Variants in SLTM observed in about 807,000 individuals in gnomAD.
SLTM encodes the protein SAFB like transcription modulator, also known as SAFB-like transcription modulator.
SLTM carries 43 observed loss-of-function variants against 134.6 expected under a neutral mutation model. The observed-to-expected ratio is 0.32, with a 90% confidence interval of 0.25 to 0.41. The LOEUF is 0.41. Among genes scored for constraint, SLTM ranks in the 10% least tolerant of loss-of-function variants. The pLI, the probability that SLTM is intolerant of heterozygous loss-of-function variation, is 1.00. For synonymous variants in SLTM, 424 were observed against 432.3 expected, an observed-to-expected ratio of 0.98 and a Z score of 0.24; for missense variants, 1,055 against 1,288.8, an observed-to-expected ratio of 0.82 and a Z score of 2.78.
At chr15:58,931,427 T>C (rs2037871510) in intron 2 of SLTM, among the ~76,000 whole-genome samples, 1 of 152,216 alleles carries the variant, frequency 6.6e-6, no homozygotes, top group African/African-American at 2.4e-5. Context: ...CATTTTATTT[T>C]AGTTGCAATC....
In SLTM at chr15:58,933,675, A is replaced by T. The variant is rs1307346351; in HGVS notation, c.-110T>A. On this transcript the variant is annotated 5_prime_UTR_variant, in exon 1 of 21. Coordinates refer to ENST00000380516, the MANE Select transcript of SLTM (RefSeq NM_024755.4). The stretch of plus-strand genomic sequence containing the variant: ...CCGCCGGCGCCGCGCAGCGCTGCGC[A>T]CAATGAGCCGCTGGCCCCTCCCCCG... 7.6e-7 allele frequency: 1 copy of T among 1,317,810 alleles called. No homozygotes were observed. The highest frequency in any genetic ancestry group is 3.2e-5 in the East Asian group (1 of 31,394). The allele number at this position is 1,317,810 out of a possible 1,614,324, so 81.6% of individuals were successfully genotyped here.
chr15:58,930,216 T>C (rs2037769990), intron 2 of SLTM, among the ~76,000 whole-genome samples: 1 of 151,714 alleles, frequency 6.6e-6, no homozygotes, highest in African/African-American at 2.4e-5. Flanking sequence ...GCGATTCTCC[T>C]GTCTCAGCCT....
At position 58,914,643 on chromosome 15, in the gene SLTM, A is replaced by G. The variant is rs182523648; in HGVS notation, c.316-947T>C. On this transcript the variant is annotated intron_variant, in intron 3 of 20. Transcript: ENST00000380516. ...TGGCAGAAGAATAGGTGCAAGAAAG[A>G]TCAAGGGAAGTTACCAAGGAAACTT... Among the ~76,000 whole-genome samples the G allele has an allele frequency of 8.5e-5, 13 of 152,328 alleles. No individual in the cohort carries two copies. In the East Asian group the frequency reaches 2.3e-3, roughly 27 times the overall value.
intron 2 of SLTM, among the ~76,000 whole-genome samples, chr15:58,930,098 A>C (rs1264548104): frequency 2.0e-5 from 3 of 151,860 alleles, no homozygotes; most frequent in Non-Finnish European, 2.9e-5. Flanking sequence ...GGCCTGCTAC[A>C]AACAAATGAT....
In SLTM at chr15:58,933,469, C is replaced by G. The variant is rs753923665; in HGVS notation, c.97G>C (p.Glu33Gln). The G allele has an allele frequency of 6.3e-7, 1 of 1,598,090 alleles. No homozygotes were observed. The change falls in exon 1 of 21, where the codon GAG becomes CAG. Residue 33 changes from glutamate to glutamine, a missense_variant. By Grantham distance (29) the Glu-to-Gln change is conservative. Around this residue, in one of 3 missense-constraint regions of SLTM, gnomAD observed 268 missense variants for 284.3 expected, o/e 0.94. Coordinates refer to ENST00000380516, the MANE Select transcript of SLTM (RefSeq NM_024755.4). ...TDLRVIDLKSELKRRNLDITG... is the reference protein window; with the variant it reads ...TDLRVIDLKSQLKRRNLDITG... ...ATGTCTAAGTTCCGCCGCTTCAGCT[C>G]GGACTTCAGATCGATGACCCGCAGA... is the stretch of plus-strand genomic sequence containing the variant.
intron 2 of SLTM, among the ~76,000 whole-genome samples, chr15:58,920,903 C>T (rs546232337): frequency 1.3e-5 from 2 of 151,942 alleles, no homozygotes; most frequent in African/African-American, 2.4e-5. Context: ...TGCAGTGAGC[C>T]GAGATTGCAC....
Position 58,883,770 on chromosome 15 carries a change from C to T in SLTM, c.2852G>A (p.Arg951Gln), listed in dbSNP as rs142959204. The T allele has an allele frequency of 5.0e-6, 8 of 1,613,854 alleles. No homozygotes were observed. Among genetic ancestry groups the T allele is most frequent in the East Asian group, 2.2e-5 (1 of 44,890 alleles). ...GGGSQHYPEE[R>Q]HVVERHGRDT... ...CCGTCCATGGCGTTCAACCACATGT[C>T]GCTCCTCAGGATAGTGCTAAAAGAA... The change falls in exon 20 of 21, where the codon CGA (arginine) becomes CAA (glutamine). Residue 951 changes from arginine to glutamine, a missense_variant. By Grantham distance (43) the Arg-to-Gln change is conservative. Around this residue, in one of 3 missense-constraint regions of SLTM, gnomAD observed 776 missense variants for 962.2 expected, o/e 0.81. Transcript: ENST00000380516.
At chr15:58,901,854 T>G (rs2141040337) in intron 5 of SLTM, among the ~76,000 whole-genome samples, 1 of 151,712 alleles carries the variant, frequency 6.6e-6, no homozygotes. Flanking sequence ...TATCAACCAC[T>G]GCACTCCAGC....
At chr15:58,911,188 TCTC>T (rs1476183389) in intron 5 of SLTM, among the ~76,000 whole-genome samples, 1 of 152,046 alleles carries the variant, frequency 6.6e-6, no homozygotes, top group Non-Finnish European at 1.5e-5. Flanking sequence ...AAATACAACT[TCTC>T]CTCCACTGTG....
intron 2 of SLTM, among the ~76,000 whole-genome samples, chr15:58,925,049 T>C (rs1254793776): frequency 2.1e-5 from 3 of 143,532 alleles, no homozygotes; most frequent in Admixed American, 7.2e-5. Context: ...CCCTTAAACA[T>C]TCACAAGAGC....
chr15:58,880,565 T>C (rs145779931), intron 20 of SLTM, among the ~76,000 whole-genome samples: 6 of 152,138 alleles, frequency 3.9e-5, no homozygotes, highest in Non-Finnish European at 7.4e-5. Flanking sequence ...CTTTTAAATA[T>C]ATATATTTTT....
chr15:58,921,210 CA>C (rs1281718076), intron 2 of SLTM, among the ~76,000 whole-genome samples: 1 of 152,186 alleles, frequency 6.6e-6, no homozygotes, highest in Admixed American at 6.5e-5. Flanking sequence ...TTTATCCTCA[CA>C]ACTCCTCTGA....
intron 16 of SLTM, 62 bp from the exon 17 acceptor site, chr15:58,888,617 C>G (rs766756176): frequency 1.3e-6 from 2 of 1,540,526 alleles, no homozygotes; most frequent in Non-Finnish European, 8.9e-7. Context: ...ACGACATTTA[C>G]TTGGAGTCAT....
At chr15:58,902,439 T>C (rs1481060726) in intron 5 of SLTM, among the ~76,000 whole-genome samples, 10 of 151,102 alleles carry the variant, frequency 6.6e-5, no homozygotes, top group African/African-American at 2.4e-4. Context: ...CAGGCTAGAG[T>C]GCAGCAGCAT....
At chr15:58,905,481 T>C (rs1188367915) in intron 5 of SLTM, among the ~76,000 whole-genome samples, 1 of 152,134 alleles carries the variant, frequency 6.6e-6, no homozygotes, top group Admixed American at 6.5e-5. Flanking sequence ...GGCAGGAGGT[T>C]TGCTTGAGGC....
At chr15:58,927,316 C>T (rs59461623) in intron 2 of SLTM, among the ~76,000 whole-genome samples, 3,179 of 152,190 alleles carry the variant, frequency 0.021, 104 homozygotes, top group African/African-American at 0.074. Flanking sequence ...GTTGCCCAAG[C>T]TGGAGTGCAA....
intron 6 of SLTM, among the ~76,000 whole-genome samples, chr15:58,900,261 T>C (rs1284089094): frequency 6.6e-6 from 1 of 152,182 alleles, no homozygotes; most frequent in African/African-American, 2.4e-5. Context: ...CATGTGACAG[T>C]GACAAAAGTG....
At chr15:58,900,990 A>G (rs1458561256) in intron 6 of SLTM, 1 of 333,876 alleles carries the variant, frequency 3.0e-6, no homozygotes, top group Non-Finnish European at 5.5e-6. Context: ...AAGTTATTTT[A>G]AAAATAAAAT....
chr15:58,893,875 C>T lies in SLTM; in HGVS notation c.1594G>A (p.Ala532Thr), dbSNP rs1567115884. ...EGKDEKNDNGASGQTSESIKK... is the reference protein window; with the variant it reads ...EGKDEKNDNGTSGQTSESIKK... ...ATCGATTCTGATGTTTGGCCACTTG[C>T]TCCATTATCATTCTTCTCATCTTTA... Residue 532 changes from alanine to threonine, a missense_variant, in exon 12 of 21, where the codon GCA (alanine) becomes ACA (threonine). Ala to Thr is a moderately conservative substitution (Grantham distance 58). This residue lies in a region of SLTM where 776 missense variants were observed against 962.2 expected (regional missense o/e 0.81). Transcript: ENST00000380516. 1.9e-6 allele frequency: 3 copies of T among 1,613,246 alleles called. No individual in the cohort carries two copies. Among genetic ancestry groups the T allele is most frequent in the East Asian group, 2.2e-5 (1 of 44,822 alleles).
Sources: allele counts gnomAD v4.1 joint callset (sites outside exome capture counted in the v4.1 genomes callset), GRCh38; gene constraint gnomAD v4.1.1; regional missense constraint gnomAD v4.1.1; transcripts MANE v1.5; gene names NCBI Gene and HGNC (gene_info 2026-07-23, HGNC 2026-07-21).